MAN1C1: variants seen among roughly 807,000 people sequenced by gnomAD.
MAN1C1 encodes the protein mannosyl-oligosaccharide 1,2-alpha-mannosidase IC.
A neutral mutation model predicts 71.5 loss-of-function variants in MAN1C1; 49 were observed. That is an observed-to-expected ratio of 0.69 (90% CI 0.54 to 0.87). MAN1C1 has a LOEUF of 0.87. Among genes scored for constraint, MAN1C1 ranks in the 40% least tolerant of loss-of-function variants. The probability of loss-of-function intolerance (pLI) is 0.00; values close to 1 mark genes in which losing one functional copy is unlikely to be tolerated. For synonymous variants in MAN1C1, 352 were observed against 343.7 expected (o/e 1.02, Z -0.27); for missense variants, 743 against 835.0 (o/e 0.89, Z 1.36).
intron 2 of MAN1C1, among the ~76,000 whole-genome samples, chr1:25,705,681 C>A (rs1305572788): frequency 6.6e-6 from 1 of 152,250 alleles, no homozygotes; most frequent in Non-Finnish European, 1.5e-5. Flanking sequence ...CATGGTGGCT[C>A]ACGCCTGTAA....
At chr1:25,713,739 G>T (rs958631919) in intron 2 of MAN1C1, among the ~76,000 whole-genome samples, 5 of 152,146 alleles carry the variant, frequency 3.3e-5, no homozygotes, top group African/African-American at 1.2e-4. Flanking sequence ...CACATAAATC[G>T]TTATAATGCA....
At chr1:25,774,296 G>A (rs1033561030) in intron 8 of MAN1C1, among the ~76,000 whole-genome samples, 1 of 152,196 alleles carries the variant, frequency 6.6e-6, no homozygotes, top group Admixed American at 6.5e-5. Context: ...AGAACAGGAA[G>A]AGCTTTGGTC....
rs1485079229 is a variant in MAN1C1, at chr1:25,771,745, T to C, written c.1230T>C (p.Ala410=). Residue 410 remains alanine (A), a synonymous_variant, in exon 8 of 12, where the codon GCT becomes GCC. Coordinates refer to ENST00000374332, the MANE Select transcript of MAN1C1 (RefSeq NM_020379.4). The part of the protein sequence containing the change: ...WLMSGKTDME[A]KNMYYEALEA... Reference sequence around the variant, plus strand: ...TGTCGGGCAAGACAGATATGGAGGCTAAAAATATGTACTACGAAGCCTTGG... The same window carrying C: ...TGTCGGGCAAGACAGATATGGAGGCCAAAAATATGTACTACGAAGCCTTGG... The C allele has an allele frequency of 6.2e-7, 1 of 1,613,926 alleles. No homozygotes were observed. Among genetic ancestry groups the C allele is most frequent in the South Asian group, 1.1e-5 (1 of 91,082 alleles).
intron 1 of MAN1C1, among the ~76,000 whole-genome samples, chr1:25,650,559 C>T (rs909373955): frequency 5.9e-5 from 9 of 152,176 alleles, no homozygotes; most frequent in Non-Finnish European, 1.3e-4. Flanking sequence ...CCAGGTATGG[C>T]CTGCTTGACT....
At position 25,753,691 on chromosome 1, in the gene MAN1C1, G is replaced by A. The variant is rs968720263; in HGVS notation, c.929+113G>A. 6 of 856,058 alleles carry A rather than the reference G, an allele frequency of 7.0e-6. No individual in the cohort carries two copies. The highest frequency in any genetic ancestry group is 1.1e-5 in the Non-Finnish European group (6 of 548,132). The allele number at this position is 856,058 out of a possible 1,614,324, so 53.0% of individuals were successfully genotyped here. On this transcript the variant is annotated intron_variant, in intron 5 of 11. Coordinates refer to ENST00000374332, the MANE Select transcript of MAN1C1 (RefSeq NM_020379.4). This position sits in a 1 kb window ranked among gnomAD's most constrained non-coding sequence, Gnocchi z 4.9. Reference sequence around the variant, plus strand: ...TCCAGGGGCAGTAGGCAGGCAAGCAGGAGGGGGGACCCTTGGGACCACCTC... The same window carrying A: ...TCCAGGGGCAGTAGGCAGGCAAGCAAGAGGGGGGACCCTTGGGACCACCTC...
intron 1 of MAN1C1, among the ~76,000 whole-genome samples, chr1:25,635,548 C>T (rs536559378): frequency 6.6e-6 from 1 of 151,216 alleles, no homozygotes; most frequent in Non-Finnish European, 1.5e-5. Flanking sequence ...CTCCCGAGTT[C>T]AAGTGATTCT....
rs2047604797 is a variant in MAN1C1, at chr1:25,775,277, G to C, written c.1258-2828G>C. 6.6e-6 allele frequency among the ~76,000 whole-genome samples: 1 copy of C among 152,242 alleles called. No homozygotes were observed. The highest frequency in any genetic ancestry group is 1.5e-5 in the Non-Finnish European group (1 of 68,044). On this transcript the variant is annotated intron_variant, in intron 8 of 11. Transcript: ENST00000374332. This position sits in a 1 kb window ranked among gnomAD's most constrained non-coding sequence, Gnocchi z 5.1. ...CGGGAGCCAGGCCGGGCCCAGAGCA[G>C]ACCCCTGCCTGCAGCCCGGCTGCTC...
Position 25,778,140 on chromosome 1 carries a change from G to T in MAN1C1, c.1293G>T (p.Gly431=), listed in dbSNP as rs201440362. 1 of 1,592,106 alleles carries T rather than the reference G, an allele frequency of 6.3e-7. No individual in the cohort carries two copies. The highest frequency in any genetic ancestry group is 1.1e-5 in the South Asian group (1 of 89,180). ...CCTACTTGCTGAATGTCTCTCCCGG[G>T]GGGCTGACCTACATTGCCGAGTGGC... ...IETYLLNVSP[G]GLTYIAEWRG... is the part of the protein sequence containing the mutation. Residue 431 remains glycine, a synonymous_variant, in exon 9 of 12, where the codon GGG becomes GGT. Coordinates refer to ENST00000374332, the MANE Select transcript of MAN1C1 (RefSeq NM_020379.4). The surrounding 1 kb of genome is among the most constrained non-coding windows in gnomAD (Gnocchi z 5.5).
In MAN1C1 at chr1:25,783,864, G is replaced by A; in HGVS notation, c.*75G>A. Reference sequence around the variant, plus strand: ...TTCAGGATTTGAGACTGTTCTCAAAGGGATTGGGAACGAAGGCCCCATCTC... The same window carrying A: ...TTCAGGATTTGAGACTGTTCTCAAAAGGATTGGGAACGAAGGCCCCATCTC... On this transcript the variant is annotated 3_prime_UTR_variant, in exon 12 of 12. Transcript: ENST00000374332. 6.5e-7 allele frequency: 1 copy of A among 1,548,416 alleles called. No homozygotes were observed.
intron 1 of MAN1C1, among the ~76,000 whole-genome samples, chr1:25,626,495 A>G (rs1454671042): frequency 6.6e-6 from 1 of 151,756 alleles, no homozygotes; most frequent in African/African-American, 2.4e-5. Flanking sequence ...AGTAGCTGGG[A>G]CTACAGGTGT....
Position 25,753,370 on chromosome 1 carries a change from C to T in MAN1C1, c.835-114C>T, listed in dbSNP as rs2047242199. The T allele has an allele frequency of 1.5e-6, 1 of 662,314 alleles. No individual in the cohort carries two copies. The highest frequency in any genetic ancestry group is 2.5e-6 in the Non-Finnish European group (1 of 395,406). The allele number at this position is 662,314 out of a possible 1,614,324, so 41.0% of individuals were successfully genotyped here. On this transcript the variant is annotated intron_variant, in intron 4 of 11. Coordinates refer to ENST00000374332, the MANE Select transcript of MAN1C1 (RefSeq NM_020379.4). This position sits in a 1 kb window ranked among gnomAD's most constrained non-coding sequence, Gnocchi z 4.9. Reference sequence around the variant, plus strand: ...ACCGGGCTGGTGGACTGCAGCACTGCCCCCTACTCTAGACCTGCAGCCCTG... The same window carrying T: ...ACCGGGCTGGTGGACTGCAGCACTGTCCCCTACTCTAGACCTGCAGCCCTG...
At chr1:25,679,176 G>A (rs2046110641) in intron 1 of MAN1C1, among the ~76,000 whole-genome samples, 1 of 152,214 alleles carries the variant, frequency 6.6e-6, no homozygotes, top group Non-Finnish European at 1.5e-5. Context: ...GCGGGCATGA[G>A]GGCTGAAGCC....
intron 7 of MAN1C1, among the ~76,000 whole-genome samples, chr1:25,768,323 A>C (rs2047483506): frequency 2.6e-5 from 1 of 39,154 alleles, no homozygotes; most frequent in Non-Finnish European, 4.9e-5. Context: ...CTTCACGTAC[A>C]TCCACACTCC....
At chr1:25,637,302 T>A (rs1458688501) in intron 1 of MAN1C1, among the ~76,000 whole-genome samples, 1 of 152,226 alleles carries the variant, frequency 6.6e-6, no homozygotes, top group Non-Finnish European at 1.5e-5. Flanking sequence ...TCTGCCTATG[T>A]TGAGCTTAAT....
chr1:25,620,560 A>G (rs1405206999), intron 1 of MAN1C1, among the ~76,000 whole-genome samples: 1 of 152,166 alleles, frequency 6.6e-6, no homozygotes, highest in Admixed American at 6.5e-5. Flanking sequence ...TTTAAATTCT[A>G]TCTGCGTCAT....
chr1:25,763,572 T>A, intron 6 of MAN1C1: 1 of 303,112 alleles, frequency 3.3e-6, no homozygotes, highest in Non-Finnish European at 6.1e-6. Context: ...GTGTTGAGAG[T>A]TGGGTGGGAT....
intron 1 of MAN1C1, among the ~76,000 whole-genome samples, chr1:25,620,208 A>G (rs992146755): frequency 1.2e-4 from 19 of 152,228 alleles, no homozygotes; most frequent in African/African-American, 3.9e-4. Context: ...GGTGGGTATA[A>G]AATAACATGA....
Position 25,746,599 on chromosome 1 carries a change from G to A in MAN1C1, c.638-69G>A. ...TGGCATTGGAGGGGCCCTGAGAACG[G>A]TGGCTTGTCCAGTTGGGGAAAAGAG... is the stretch of plus-strand genomic sequence containing the variant. On this transcript the variant is annotated intron_variant, in intron 2 of 11. Coordinates refer to ENST00000374332, the MANE Select transcript of MAN1C1 (RefSeq NM_020379.4). This position sits in a 1 kb window ranked among gnomAD's most constrained non-coding sequence, Gnocchi z 4.0. 1 of 1,248,528 alleles carries A rather than the reference G, an allele frequency of 8.0e-7. No homozygotes were observed. Among genetic ancestry groups the A allele is most frequent in the Admixed American group, 1.9e-5 (1 of 52,472 alleles). The allele number at this position is 1,248,528 out of a possible 1,614,324, so 77.3% of individuals were successfully genotyped here. A position where few individuals can be genotyped will look rare whatever the true frequency, so the allele number is the denominator to read the frequency against.
At chr1:25,687,869 C>T (rs1322128452) in intron 2 of MAN1C1, among the ~76,000 whole-genome samples, 2 of 152,168 alleles carry the variant, frequency 1.3e-5, no homozygotes, top group Non-Finnish European at 2.9e-5. Flanking sequence ...TAGATGCAGC[C>T]TCCATTGACA....
Sources: allele counts gnomAD v4.1 joint callset (sites outside exome capture counted in the v4.1 genomes callset), GRCh38; gene constraint gnomAD v4.1.1; non-coding constraint Gnocchi (gnomAD v3.1); transcripts MANE v1.5; gene names NCBI Gene and HGNC (gene_info 2026-07-23, HGNC 2026-07-21).